MKLN1: variants seen among roughly 807,000 people sequenced by gnomAD.
MKLN1 encodes muskelin 1.
Under a neutral mutation model 99.0 loss-of-function variants are expected in MKLN1, and 18 were observed. That is an observed-to-expected ratio of 0.18 (90% confidence interval 0.13 to 0.27). MKLN1 has a LOEUF of 0.27. MKLN1 is among the 10% of genes least tolerant of loss of function. The probability of loss-of-function intolerance (pLI) is 1.00; values close to 1 mark genes in which losing one functional copy is unlikely to be tolerated. For synonymous variants in MKLN1, 288 were observed against 293.2 expected (o/e 0.98, Z 0.18); for missense variants, 621 against 875.9 (o/e 0.71, Z 3.67).
intron 10 of MKLN1, among the ~76,000 whole-genome samples, chr7:131,439,498 C>A (rs1245820574): frequency 1.3e-5 from 2 of 152,134 alleles, no homozygotes; most frequent in Non-Finnish European, 2.9e-5. Flanking sequence ...ATTCAGCCAA[C>A]AACTATCCCT....
chr7:131,388,055 T>C (rs538563994), intron 3 of MKLN1, among the ~76,000 whole-genome samples: 2 of 152,190 alleles, frequency 1.3e-5, no homozygotes, highest in East Asian at 3.9e-4. Context: ...TAGTCCCATC[T>C]ACTTGGGAGG....
At chr7:131,389,295 T>G (rs1197362134) in intron 4 of MKLN1, among the ~76,000 whole-genome samples, 2 of 152,196 alleles carry the variant, frequency 1.3e-5, no homozygotes, top group Non-Finnish European at 2.9e-5. Flanking sequence ...TTTTCTCATT[T>G]GAAAGTTTTC....
At chr7:131,384,362 G>T (rs904485947) in intron 2 of MKLN1, among the ~76,000 whole-genome samples, 1 of 151,786 alleles carries the variant, frequency 6.6e-6, no homozygotes, top group Admixed American at 6.6e-5. Context: ...AATGACAAGT[G>T]TCCTTACTAG....
intron 2 of MKLN1, among the ~76,000 whole-genome samples, chr7:131,164,983 G>C (rs1796103114): frequency 6.6e-6 from 1 of 152,184 alleles, no homozygotes; most frequent in African/African-American, 2.4e-5. Context: ...AGGAAGGAAA[G>C]TATATTCACA....
intron 2 of MKLN1, among the ~76,000 whole-genome samples, chr7:131,196,794 T>C (rs1280516910): frequency 6.6e-6 from 1 of 152,076 alleles, no homozygotes; most frequent in Non-Finnish European, 1.5e-5. Flanking sequence ...TAGAAGCCCA[T>C]TGGCCCCCAT....
chr7:131,460,129 A>G (rs1047732376), intron 12 of MKLN1, among the ~76,000 whole-genome samples: 2 of 152,052 alleles, frequency 1.3e-5, no homozygotes, highest in Admixed American at 6.5e-5. Flanking sequence ...TGTTTTGCAC[A>G]TGAAATATTC....
intron 2 of MKLN1, among the ~76,000 whole-genome samples, chr7:131,165,167 G>A (rs1796105559): frequency 6.6e-6 from 1 of 151,810 alleles, no homozygotes; most frequent in Admixed American, 6.6e-5. Flanking sequence ...TTGAGGGAAG[G>A]GTGTTTTCGT....
In MKLN1 at chr7:131,311,865, ACT is replaced by A. The variant is rs1798570768; in HGVS notation, c.-178-63558_-178-63557del. Among the ~76,000 whole-genome samples, 6 of 151,332 alleles carry A rather than the reference ACT, an allele frequency of 4.0e-5. No homozygotes were observed. The South Asian group carries it at 1.0e-3, about 26-fold the overall frequency. Reference sequence around the variant, plus strand: ...TTACTTAAAAGGTGAACTTTTTTTTACTGTTTCTTAAAAATACTTAAAAATCT... The same window carrying A: ...TTACTTAAAAGGTGAACTTTTTTTTAGTTTCTTAAAAATACTTAAAAATCT... On this transcript the variant is annotated intron_variant, in intron 3 of 7. Transcript: ENST00000416992.
intron 2 of MKLN1, among the ~76,000 whole-genome samples, chr7:131,150,788 G>A (rs12112721): frequency 0.093 from 14,169 of 151,766 alleles, 811 homozygotes; most frequent in South Asian, 0.18. Flanking sequence ...GTGCTTCCAT[G>A]ATAATCTGTT....
chr7:131,299,574 A>G (rs10261717), intron 3 of MKLN1, among the ~76,000 whole-genome samples: 11,297 of 152,282 alleles, frequency 0.074, 554 homozygotes, highest in African/African-American at 0.14. Flanking sequence ...CGCCGCCAGC[A>G]CTCATTTAAT....
intron 1 of MKLN1, among the ~76,000 whole-genome samples, chr7:131,120,378 C>A (rs1300837263): frequency 6.9e-6 from 1 of 145,856 alleles, no homozygotes; most frequent in Non-Finnish European, 1.5e-5. Flanking sequence ...TACAAAAAAA[C>A]AAACAAACAA....
At chr7:131,365,784 T>G (rs1015633100) in intron 1 of MKLN1, among the ~76,000 whole-genome samples, 4 of 152,164 alleles carry the variant, frequency 2.6e-5, no homozygotes, top group African/African-American at 7.2e-5. Flanking sequence ...ATACTTTTTT[T>G]GTCTGTCTCT....
intron 6 of MKLN1, among the ~76,000 whole-genome samples, chr7:131,407,015 CCTTTGT>C (rs1468046177): frequency 1.3e-5 from 2 of 151,922 alleles, no homozygotes; most frequent in Non-Finnish European, 2.9e-5. Flanking sequence ...ATATATGTTG[CCTTTGT>C]CTATCATTTA....
chr7:131,428,544 G>A (rs958633960), intron 8 of MKLN1, among the ~76,000 whole-genome samples: 5 of 152,108 alleles, frequency 3.3e-5, no homozygotes, highest in Non-Finnish European at 7.4e-5. Context: ...ACAGCTAAAT[G>A]TTCTTATGCT....
chr7:131,231,526 T>A (rs575057933), intron 3 of MKLN1, among the ~76,000 whole-genome samples: 149 of 152,280 alleles, frequency 9.8e-4, no homozygotes, highest in East Asian at 2.3e-3. Flanking sequence ...GTTGCTCTTG[T>A]GGCCAGGGCC....
chr7:131,484,993 A>G (rs1797233912), intron 17 of MKLN1, among the ~76,000 whole-genome samples: 1 of 152,140 alleles, frequency 6.6e-6, no homozygotes, highest in Non-Finnish European at 1.5e-5. Flanking sequence ...TATGCATATG[A>G]TAGGCATATA....
At chr7:131,345,603 A>G (rs780769032) in intron 1 of MKLN1, among the ~76,000 whole-genome samples, 2 of 152,076 alleles carry the variant, frequency 1.3e-5, no homozygotes, top group Non-Finnish European at 2.9e-5. Context: ...AGTTCTAGCT[A>G]CTTGAGAGGC....
intron 3 of MKLN1, among the ~76,000 whole-genome samples, chr7:131,290,208 G>A (rs1258836884): frequency 6.6e-6 from 1 of 152,198 alleles, no homozygotes; most frequent in Non-Finnish European, 1.5e-5. Flanking sequence ...GGGAGGCTGA[G>A]GCAGGAGACT....
intron 6 of MKLN1, among the ~76,000 whole-genome samples, chr7:131,404,417 C>T (rs948693168): frequency 6.6e-6 from 1 of 152,054 alleles, no homozygotes; most frequent in Non-Finnish European, 1.5e-5. Flanking sequence ...AACTCCTGGG[C>T]TCAGGCTATC....
Sources: allele counts gnomAD v4.1 joint callset (sites outside exome capture counted in the v4.1 genomes callset), GRCh38; gene constraint gnomAD v4.1.1; transcripts MANE v1.5; gene names NCBI Gene and HGNC (gene_info 2026-07-23, HGNC 2026-07-21).